The following GABPB1 variants were observed in gnomAD, a reference collection of about 807,000 sequenced individuals.
GABPB1 encodes GA-binding protein subunit beta-1.
A neutral mutation model predicts 45.9 loss-of-function variants in GABPB1; 15 were observed. The observed-to-expected ratio is 0.33, with a 90% CI of 0.22 to 0.50. The LOEUF is 0.50. Ranked by LOEUF, GABPB1 falls within the 20% of genes least tolerant of loss-of-function variation. The pLI, the probability that GABPB1 is intolerant of heterozygous loss-of-function variation, is 0.98. For synonymous variants in GABPB1, 143 were observed against 154.4 expected (o/e 0.93, Z 0.55); for missense variants, 252 against 457.5 (o/e 0.55, Z 4.10).
chr15:50,278,498 T>C lies in GABPB1; in HGVS notation c.*134A>G, dbSNP rs1158306174. ...TTATGTTACAAGAACTCAGAGCTCATGGCTTAAGTCCAATTATCCATCTGT... is the reference window on the plus strand; with the variant it reads ...TTATGTTACAAGAACTCAGAGCTCACGGCTTAAGTCCAATTATCCATCTGT... On this transcript the variant is annotated 3_prime_UTR_variant, in exon 9 of 9. Coordinates refer to ENST00000380877, the MANE Select transcript of GABPB1 (RefSeq NM_016654.5). 2 of 555,930 alleles carry C rather than the reference T, an allele frequency of 3.6e-6. No homozygotes were observed. The highest frequency in any genetic ancestry group is 5.9e-6 in the Non-Finnish European group (2 of 340,760). The allele number at this position is 555,930 out of a possible 1,614,324, so 34.4% of individuals were successfully genotyped here. A position where few individuals can be genotyped will look rare whatever the true frequency, so the allele number is the denominator to read the frequency against.
chr15:50,354,622 G>C (rs754798936), intron 1 of GABPB1: 1 of 441,242 alleles, frequency 2.3e-6, no homozygotes, highest in South Asian at 1.6e-5. Context: ...CCGCTGCCTC[G>C]GCGCGACCCC....
At position 50,277,711 on chromosome 15, in the gene GABPB1, A is replaced by G. The variant is rs907823776; in HGVS notation, c.*921T>C. 3 of 152,628 alleles carry G rather than the reference A, an allele frequency of 2.0e-5. No individual in the cohort carries two copies. The highest frequency in any genetic ancestry group is 4.4e-5 in the Non-Finnish European group (3 of 68,030). 9.5% of individuals were successfully genotyped at this position (152,628 alleles called of 1,614,324 possible). A position where few individuals can be genotyped will look rare whatever the true frequency, so the allele number is the denominator to read the frequency against. On this transcript the variant is annotated 3_prime_UTR_variant, in exon 9 of 9. Coordinates refer to ENST00000380877, the MANE Select transcript of GABPB1 (RefSeq NM_016654.5). The stretch of plus-strand genomic sequence containing the variant: ...CATATGCATTGGGTTTTCCAAAAAC[A>G]TTATCTTAAAATCAGTGCCTTAAAG...
chr15:50,324,219 T>A (rs1406187117), intron 1 of GABPB1, among the ~76,000 whole-genome samples: 11 of 132,774 alleles, frequency 8.3e-5, no homozygotes, highest in African/African-American at 4.3e-4. Context: ...AAAAAAAAAT[T>A]TTTTTTAATG....
At chr15:50,342,256 A>G (rs2048400982) in intron 1 of GABPB1, among the ~76,000 whole-genome samples, 2 of 152,044 alleles carry the variant, frequency 1.3e-5, no homozygotes, top group Non-Finnish European at 2.9e-5. Context: ...ATTCCATCAC[A>G]TTACAAATGA....
intron 1 of GABPB1, among the ~76,000 whole-genome samples, chr15:50,342,737 TATAG>T (rs555462369): frequency 7.2e-5 from 11 of 152,296 alleles, no homozygotes; most frequent in African/African-American, 2.4e-4. Context: ...TAGTAACATA[TATAG>T]ATAATTACCA....
intron 1 of GABPB1, chr15:50,346,333 T>A (rs2048577724): frequency 6.6e-6 from 1 of 152,184 alleles, no homozygotes; most frequent in Non-Finnish European, 1.5e-5. Context: ...TTGTTCAGCG[T>A]AAATTTATAG....
At chr15:50,284,803 C>T (rs992936690) in intron 8 of GABPB1, among the ~76,000 whole-genome samples, 1 of 151,932 alleles carries the variant, frequency 6.6e-6, no homozygotes, top group Non-Finnish European at 1.5e-5. Context: ...AGAAAAACAA[C>T]AAAAATTATT....
chr15:50,351,678 AGGG>A (rs2048834972), intron 1 of GABPB1: 1 of 71,286 alleles, frequency 1.4e-5, no homozygotes, highest in Non-Finnish European at 2.7e-5. Flanking sequence ...GGAGGGAGGG[AGGG>A]AGGGAGGGAG....
At chr15:50,297,168 C>T (rs532053981) in intron 6 of GABPB1, among the ~76,000 whole-genome samples, 2 of 151,970 alleles carry the variant, frequency 1.3e-5, no homozygotes, top group Admixed American at 6.5e-5. Flanking sequence ...ACCTCGGCCT[C>T]CCAAAGTGCT....
chr15:50,305,910 G>A (rs1048895244), intron 2 of GABPB1, among the ~76,000 whole-genome samples: 1 of 151,986 alleles, frequency 6.6e-6, no homozygotes, highest in African/African-American at 2.4e-5. Context: ...GCCTCCCGAA[G>A]TGCTGGGATT....
At chr15:50,297,228 TTTGA>T (rs2046552070) in intron 6 of GABPB1, among the ~76,000 whole-genome samples, 1 of 147,898 alleles carries the variant, frequency 6.8e-6, no homozygotes, top group South Asian at 2.1e-4. Context: ...CTTTTTTTTT[TTTGA>T]GATGGAGTCT....
At chr15:50,303,314 C>T (rs186408360) in intron 3 of GABPB1, among the ~76,000 whole-genome samples, 191 bp from the exon 4 acceptor site, 15 of 152,174 alleles carry the variant, frequency 9.9e-5, no homozygotes, top group African/African-American at 3.1e-4. Context: ...TTTGGGAGGC[C>T]GAGGCGGTTG....
At chr15:50,302,265 T>C (rs774067835) in intron 4 of GABPB1, among the ~76,000 whole-genome samples, 6 of 152,206 alleles carry the variant, frequency 3.9e-5, no homozygotes, top group Non-Finnish European at 5.9e-5. Context: ...GTTGCTAATA[T>C]ATATGTTTTT....
chr15:50,304,013 T>C lies in GABPB1; in HGVS notation c.229A>G (p.Met77Val), dbSNP rs1567502504. 1.2e-6 allele frequency: 2 copies of C among 1,612,376 alleles called. No individual in the cohort carries two copies. Among genetic ancestry groups the C allele is most frequent in the Non-Finnish European group, 1.7e-6 (2 of 1,179,250 alleles). ...RTKVDRTPLH[M>V]AASEGHASIV... ...CTGGCATGGCCCTCAGAAGCTGCCA[T>C]ATGTAATGGTGTTCGGTCCACTTTG... is the stretch of plus-strand genomic sequence containing the variant. The change falls in exon 3 of 9, where the codon ATG (methionine) becomes GTG (valine). Residue 77 changes from methionine to valine, a missense_variant. This residue lies in a region of GABPB1 where 35 missense variants were observed against 143.7 expected (regional missense o/e 0.24). Transcript: ENST00000380877.
At chr15:50,346,993 T>C (rs2048613436) in intron 1 of GABPB1, among the ~76,000 whole-genome samples, 1 of 152,088 alleles carries the variant, frequency 6.6e-6, no homozygotes, top group African/African-American at 2.4e-5. Context: ...TTTCACCATC[T>C]TGGCCAAACT....
chr15:50,297,266 G>A (rs1469820322), intron 6 of GABPB1, among the ~76,000 whole-genome samples: 1 of 146,428 alleles, frequency 6.8e-6, no homozygotes, highest in African/African-American at 2.5e-5. Flanking sequence ...AGGCTGGGGT[G>A]CAGTGGCACA....
intron 8 of GABPB1, among the ~76,000 whole-genome samples, chr15:50,282,026 A>C (rs1241758765): frequency 1.3e-5 from 2 of 151,986 alleles, no homozygotes; most frequent in Admixed American, 6.6e-5. Context: ...ACAAAACCTT[A>C]TCTCTACAAA....
At chr15:50,331,189 G>T (rs2047935803) in intron 1 of GABPB1, among the ~76,000 whole-genome samples, 1 of 152,156 alleles carries the variant, frequency 6.6e-6, no homozygotes, top group Non-Finnish European at 1.5e-5. Flanking sequence ...CTGAATATTT[G>T]CTTTCCTTGC....
At chr15:50,314,191 A>T (rs113513485) in intron 1 of GABPB1, among the ~76,000 whole-genome samples, 38,345 of 148,516 alleles carry the variant, frequency 0.26, 5,977 homozygotes, top group Middle Eastern at 0.38. Flanking sequence ...TTATTTATTT[A>T]TTTATTTTTT....
Sources: gnomAD v4.1 joint callset for allele counts (sites outside exome capture counted in the v4.1 genomes callset) on GRCh38, gnomAD v4.1.1 for gene constraint, gnomAD v4.1.1 regional missense constraint, MANE v1.5 for transcripts, NCBI Gene and HGNC (gene_info 2026-07-23, HGNC 2026-07-21) for gene names.